The following GALNT2 variants were observed in gnomAD, a reference collection of about 807,000 sequenced individuals.
GALNT2 encodes UDP-GalNAc:polypeptide N-acetylgalactosaminyltransferase 2.
Under a neutral mutation model 81.4 loss-of-function variants are expected in GALNT2, and 31 were observed. That is an observed-to-expected ratio of 0.38 (90% CI 0.29 to 0.51). The LOEUF is 0.51. GALNT2 is among the 20% of genes least tolerant of loss of function. The pLI, the probability that GALNT2 is intolerant of heterozygous loss-of-function variation, is 0.87. For missense variants in GALNT2, 629 were observed against 765.7 expected (o/e 0.82, Z 2.11); for synonymous variants, 303 against 287.4 (o/e 1.05, Z -0.55).
At chr1:230,064,687 T>C (rs1171514201), upstream of GALNT2, among the ~76,000 whole-genome samples, 1 of 151,898 alleles carries the variant, frequency 6.6e-6, no homozygotes, top group Non-Finnish European at 1.5e-5. Context: ...AAGTTTCATA[T>C]TTTTTTTAGT....
intron 2 of GALNT2, among the ~76,000 whole-genome samples, chr1:230,183,141 TTTAC>T (rs1382765883): frequency 2.0e-5 from 3 of 152,196 alleles, no homozygotes; most frequent in Non-Finnish European, 2.9e-5. Context: ...TCTTTATCAT[TTTAC>T]TTTTAATCTA....
intron 1 of GALNT2, among the ~76,000 whole-genome samples, chr1:230,093,818 G>A (rs1660164514): frequency 6.6e-6 from 1 of 152,192 alleles, no homozygotes; most frequent in Non-Finnish European, 1.5e-5. Flanking sequence ...GCCTAGGTGT[G>A]TAGTAGGCTA....
In GALNT2 at chr1:230,271,982, A is replaced by G. The variant is rs570894151; in HGVS notation, c.1441-2463A>G. Among the ~76,000 whole-genome samples the G allele has an allele frequency of 6.6e-5, 10 of 152,186 alleles. No individual in the cohort carries two copies. Among genetic ancestry groups the G allele is most frequent in the African/African-American group, 2.2e-4 (9 of 41,444 alleles). ...TCCAGGAGCCCATTAGAGTTGCTTCATTAGAACAAGACACTCCCATCACCC... is the reference window on the plus strand; with the variant it reads ...TCCAGGAGCCCATTAGAGTTGCTTCGTTAGAACAAGACACTCCCATCACCC... On this transcript the variant is annotated intron_variant, in intron 14 of 15. Transcript: ENST00000366672. The surrounding 1 kb of genome is among the most constrained non-coding windows in gnomAD (Gnocchi z 4.2).
chr1:230,097,291 G>GT (rs1223884583), intron 1 of GALNT2, among the ~76,000 whole-genome samples: 1 of 151,950 alleles, frequency 6.6e-6, no homozygotes, highest in Non-Finnish European at 1.5e-5. Context: ...AAGTGTACAG[G>GT]TAAGTGGTAT....
intron 1 of GALNT2, among the ~76,000 whole-genome samples, chr1:230,104,957 G>A (rs1660499236): frequency 6.6e-6 from 1 of 152,236 alleles, no homozygotes; most frequent in African/African-American, 2.4e-5. Context: ...GTGGGGGAAA[G>A]TGTCAGAGAA....
At chr1:230,099,454 T>C (rs1465370414) in intron 1 of GALNT2, among the ~76,000 whole-genome samples, 1 of 152,184 alleles carries the variant, frequency 6.6e-6, no homozygotes, top group Non-Finnish European at 1.5e-5. Context: ...TGGTGTTTCA[T>C]GAATCCACCA....
At chr1:230,254,779 G>T (rs1665655920) in intron 10 of GALNT2, among the ~76,000 whole-genome samples, 1 of 152,170 alleles carries the variant, frequency 6.6e-6, no homozygotes, top group South Asian at 2.1e-4. Context: ...TTTTCCCACG[G>T]TGTTGATACG....
intron 2 of GALNT2, among the ~76,000 whole-genome samples, chr1:230,181,557 C>A (rs1663161454): frequency 6.7e-6 from 1 of 150,276 alleles, no homozygotes; most frequent in Admixed American, 6.6e-5. Flanking sequence ...CCTTTCGTTT[C>A]CTTTTTTTTT....
intron 1 of GALNT2, among the ~76,000 whole-genome samples, chr1:230,075,467 T>A (rs1659515705): frequency 6.6e-6 from 1 of 152,214 alleles, no homozygotes; most frequent in Non-Finnish European, 1.5e-5. Flanking sequence ...TTTGTGTTCC[T>A]ACCCTCCAGG....
intron 1 of GALNT2, among the ~76,000 whole-genome samples, chr1:230,173,697 A>C (rs1662868492): frequency 6.6e-6 from 1 of 152,250 alleles, no homozygotes; most frequent in Non-Finnish European, 1.5e-5. Flanking sequence ...ATCTGTTGGT[A>C]GCACAGCCAG....
intron 14 of GALNT2, among the ~76,000 whole-genome samples, chr1:230,273,770 A>T (rs1029521501): frequency 1.4e-4 from 21 of 152,228 alleles, no homozygotes; most frequent in African/African-American, 5.1e-4. Flanking sequence ...GAATAATAAT[A>T]GCCCTCATGG....
rs564983410 is a variant in GALNT2 at position 230,124,172 on chromosome 1, G to T, written c.127-54046G>T. On this transcript the variant is annotated intron_variant, in intron 1 of 15. Coordinates refer to ENST00000366672, the MANE Select transcript of GALNT2 (RefSeq NM_004481.5). ...CAATGTCAAGAATATTACCCGGCCT[G>T]GATTTAGGTGGAAATGAATTAAGTG... Among the ~76,000 whole-genome samples, 198 of 152,256 alleles carry T rather than the reference G, an allele frequency of 1.3e-3. 2 individuals are homozygous for T. The highest frequency in any genetic ancestry group is 4.6e-3 in the African/African-American group (191 of 41,540).
chr1:230,090,639 GGTAAGTTGATCCAGGAAGAA>G (rs1558279193), intron 1 of GALNT2, among the ~76,000 whole-genome samples: 1 of 152,168 alleles, frequency 6.6e-6, no homozygotes, highest in African/African-American at 2.4e-5. Flanking sequence ...TTAGGAATGT[GGTAAGTTGATCCAGGAAGAA>G]GTTGAAGGTT....
At chr1:230,266,586 A>G (rs1666043536) in intron 14 of GALNT2, among the ~76,000 whole-genome samples, 1 of 152,206 alleles carries the variant, frequency 6.6e-6, no homozygotes, top group Non-Finnish European at 1.5e-5. Context: ...GCAATCCACA[A>G]ATACCTTGAC....
chr1:230,057,963 C>T (rs893476422), upstream of GALNT2: 9 of 451,080 alleles, frequency 2.0e-5, no homozygotes, highest in African/African-American at 1.0e-4. Context: ...TTCCCCAGGA[C>T]GAAGGGAGGA....
At chr1:230,164,691 G>A (rs1326155244) in intron 1 of GALNT2, among the ~76,000 whole-genome samples, 2 of 151,982 alleles carry the variant, frequency 1.3e-5, no homozygotes, top group African/African-American at 2.4e-5. Flanking sequence ...CCGCCACCAC[G>A]CCTGGCTAAT....
intron 8 of GALNT2, 149 bp from the exon 9 acceptor site, chr1:230,249,035 C>G: frequency 1.4e-6 from 1 of 718,228 alleles, no homozygotes; most frequent in Non-Finnish European, 2.3e-6. Context: ...GTCCCCTTCT[C>G]TCTCCTCCAC....
chr1:230,080,456 A>T (rs1278655203), intron 1 of GALNT2, among the ~76,000 whole-genome samples: 1 of 152,182 alleles, frequency 6.6e-6, no homozygotes, highest in Non-Finnish European at 1.5e-5. Context: ...CTTGCCATTT[A>T]GGTCCTGGTG....
chr1:230,184,184 G>A (rs1663245752), intron 2 of GALNT2, among the ~76,000 whole-genome samples: 2 of 145,558 alleles, frequency 1.4e-5, no homozygotes, highest in East Asian at 4.1e-4. Context: ...CATCTTTGAA[G>A]ATCAATCTTT....
Sources: gnomAD v4.1 joint callset for allele counts (sites outside exome capture counted in the v4.1 genomes callset) on GRCh38, gnomAD v4.1.1 for gene constraint, Gnocchi (gnomAD v3.1) non-coding constraint, MANE v1.5 for transcripts, NCBI Gene and HGNC (gene_info 2026-07-23, HGNC 2026-07-21) for gene names.